Variants in BCHE observed in about 807,000 individuals in gnomAD.
BCHE encodes cholinesterase.
Under a neutral mutation model 51.3 loss-of-function variants are expected in BCHE, and 48 were observed. The ratio of observed to expected loss-of-function variants is 0.94; its 90% CI spans 0.74 to 1.19. The LOEUF (loss-of-function observed/expected upper bound fraction) is 1.19, where lower values mean the gene tolerates loss of function less well. BCHE is among the 50% of genes most tolerant of loss of function. The pLI is 0.00. For synonymous variants in BCHE, 251 were observed against 238.0 expected (o/e 1.05, Z -0.50); for missense variants, 847 against 708.2 (o/e 1.20, Z -2.23).
rs1459941225 is a variant in BCHE, at chr3:165,829,727, T to A, written c.1307A>T (p.Lys436Met). 11 of 1,613,916 alleles carry A rather than the reference T, an allele frequency of 6.8e-6. No homozygotes were observed. Among genetic ancestry groups the A allele is most frequent in the Non-Finnish European group, 8.5e-6 (10 of 1,179,922 alleles). The change falls in exon 2 of 4, where the codon AAG (lysine) becomes ATG (methionine). Residue 436 changes from lysine (K) to methionine (M), a missense_variant. Transcript: ENST00000264381. ...GGCATTATTTCCCCATTCTGAGAAC[T>A]TCTTGGTGAACTCCAAGGCAGGGCA... Reference protein sequence around the residue: ...FICPALEFTKKFSEWGNNAFF... With the variant: ...FICPALEFTKMFSEWGNNAFF...
chr3:165,815,259 A>T (rs1714268935), intron 2 of BCHE, among the ~76,000 whole-genome samples: 1 of 151,586 alleles, frequency 6.6e-6, no homozygotes, highest in African/African-American at 2.4e-5. Context: ...AAAAAAAAAA[A>T]AAATAAGGGC....
intron 2 of BCHE, among the ~76,000 whole-genome samples, chr3:165,829,074 T>C (rs1714844807): frequency 6.6e-6 from 1 of 152,122 alleles, no homozygotes; most frequent in African/African-American, 2.4e-5. Context: ...TTCAATTTCC[T>C]AAGCAGAGAT....
In BCHE at chr3:165,835,576, A is replaced by G. The variant is rs551400742; in HGVS notation, c.-9+1738T>C. On this transcript the variant is annotated intron_variant, in intron 1 of 3. Transcript: ENST00000264381. ...TAAATGTATTTGAAGAAATTGGAACAACGACGTCTTTATATCAAACTTAAA... is the reference window on the plus strand; with the variant it reads ...TAAATGTATTTGAAGAAATTGGAACGACGACGTCTTTATATCAAACTTAAA... Among the ~76,000 whole-genome samples the G allele has an allele frequency of 7.0e-4, 106 of 152,010 alleles. 2 individuals carry two copies. The South Asian group carries it at 0.021, about 30-fold the overall frequency.
intron 3 of BCHE, among the ~76,000 whole-genome samples, chr3:165,775,886 C>A (rs1559999876): frequency 1.3e-5 from 2 of 151,848 alleles, no homozygotes; most frequent in African/African-American, 4.8e-5. Flanking sequence ...TGAAGTAAAT[C>A]AAAATCAAAA....
At chr3:165,823,382 C>T (rs1171840714) in intron 2 of BCHE, among the ~76,000 whole-genome samples, 1 of 151,960 alleles carries the variant, frequency 6.6e-6, no homozygotes, top group Non-Finnish European at 1.5e-5. Flanking sequence ...CACCTTCATC[C>T]ATGATAAGGT....
chr3:165,818,444 A>T (rs1714387323), intron 2 of BCHE, among the ~76,000 whole-genome samples: 1 of 152,124 alleles, frequency 6.6e-6, no homozygotes, highest in African/African-American at 2.4e-5. Flanking sequence ...TTTTAAATCA[A>T]GACATGCAGG....
Position 165,830,007 on chromosome 3 carries a change from T to A in BCHE, c.1027A>T (p.Thr343Ser), listed in dbSNP as rs537434945. The change falls in exon 2 of 4, where the codon ACC becomes TCC. Residue 343 changes from threonine to serine, a missense_variant. Coordinates refer to ENST00000264381, the MANE Select transcript of BCHE (RefSeq NM_000055.4). ...TTATTAACACCCACCAAAATCTGGGTTTTTTTAAATTGTCCAAGTTCAAGT... is the reference window on the plus strand; with the variant it reads ...TTATTAACACCCACCAAAATCTGGGATTTTTTAAATTGTCCAAGTTCAAGT... ...ILLELGQFKKTQILVGVNKDE... is the reference protein window; with the variant it reads ...ILLELGQFKKSQILVGVNKDE... The A allele has an allele frequency of 2.9e-5, 46 of 1,613,674 alleles. No homozygotes were observed. In the East Asian group the frequency reaches 9.6e-4, roughly 34 times the overall value.
chr3:165,830,516 T>C lies in BCHE; in HGVS notation c.518A>G (p.Asn173Ser). ...GAATCCTAGGGCACCCACCCTATAGTTCATTGACACTACAATAACTCTTTC... is the reference window on the plus strand; with the variant it reads ...GAATCCTAGGGCACCCACCCTATAGCTCATTGACACTACAATAACTCTTTC... ...RVERVIVVSMNYRVGALGFLA... is the reference protein window; with the variant it reads ...RVERVIVVSMSYRVGALGFLA... Residue 173 changes from asparagine to serine, a missense_variant, in exon 2 of 4, where the codon AAC (asparagine) becomes AGC (serine). Physicochemically the swap from Asn to Ser is conservative, Grantham distance 46. Coordinates refer to ENST00000264381, the MANE Select transcript of BCHE (RefSeq NM_000055.4). 6.2e-7 allele frequency: 1 copy of C among 1,613,964 alleles called. No individual in the cohort carries two copies.
intron 3 of BCHE, among the ~76,000 whole-genome samples, chr3:165,785,099 C>G (rs1712892424): frequency 6.6e-6 from 1 of 151,776 alleles, no homozygotes. Flanking sequence ...TGAGTAATGT[C>G]TGATAATCAA....
intron 3 of BCHE, among the ~76,000 whole-genome samples, chr3:165,775,223 T>G (rs186395932): frequency 8.5e-4 from 129 of 152,134 alleles, no homozygotes; most frequent in African/African-American, 3.0e-3. Flanking sequence ...TTGCAGACAT[T>G]ACAATATCCC....
At chr3:165,788,345 G>T (rs1267672476) in intron 2 of BCHE, among the ~76,000 whole-genome samples, 2 of 151,972 alleles carry the variant, frequency 1.3e-5, no homozygotes, top group South Asian at 2.1e-4. Flanking sequence ...TTATTTTATG[G>T]AGGAATTGGA....
At chr3:165,812,849 T>C (rs1207315130) in intron 2 of BCHE, among the ~76,000 whole-genome samples, 1 of 151,938 alleles carries the variant, frequency 6.6e-6, no homozygotes, top group Non-Finnish European at 1.5e-5. Flanking sequence ...TATGAAAGTA[T>C]AGTCTGGTCA....
Position 165,829,632 on chromosome 3 carries a change from A to G in BCHE, c.1402T>C (p.Tyr468His). Residue 468 changes from tyrosine to histidine, a missense_variant, in exon 2 of 4, where the codon TAT (tyrosine) becomes CAT (histidine). Coordinates refer to ENST00000264381, the MANE Select transcript of BCHE (RefSeq NM_000055.4). ...WPEWMGVMHG[Y>H]EIEFVFGLPL... is the part of the protein sequence containing the mutation. ...AAACCAAAGACAAATTCAATTTCAT[A>G]GCCATGCATCACTCCCATCCATTCT... The G allele has an allele frequency of 1.2e-6, 2 of 1,613,898 alleles. No individual in the cohort carries two copies. Among genetic ancestry groups the G allele is most frequent in the Non-Finnish European group, 1.7e-6 (2 of 1,179,866 alleles).
At chr3:165,794,128 A>C (rs1576844747) in intron 2 of BCHE, among the ~76,000 whole-genome samples, 1 of 151,990 alleles carries the variant, frequency 6.6e-6, no homozygotes, top group African/African-American at 2.4e-5. Flanking sequence ...TACCCAAATA[A>C]AATGAGTTTA....
Position 165,830,861 on chromosome 3 carries a change from C to G in BCHE, c.173G>C (p.Gly58Ala). ...AAGAGGTGGCTGTGCATAGGGAATT[C>G]CAAGAAAGGCTGTTACCGTGCCACC... ...VFGGTVTAFLGIPYAQPPLGR... is the reference protein window; with the variant it reads ...VFGGTVTAFLAIPYAQPPLGR... Residue 58 changes from glycine to alanine, a missense_variant, in exon 2 of 4, where the codon GGA becomes GCA. Transcript: ENST00000264381. 6.2e-7 allele frequency: 1 copy of G among 1,613,896 alleles called. No homozygotes were observed. Among genetic ancestry groups the G allele is most frequent in the Non-Finnish European group, 8.5e-7 (1 of 1,179,902 alleles).
In BCHE at chr3:165,802,976, C is replaced by T. The variant is rs13066003; in HGVS notation, c.1518-16665G>A. Among the ~76,000 whole-genome samples the T allele has an allele frequency of 4.6e-5, 7 of 152,090 alleles. No individual in the cohort carries two copies. The South Asian group carries it at 1.5e-3, about 32-fold the overall frequency. On this transcript the variant is annotated intron_variant, in intron 2 of 3. Coordinates refer to ENST00000264381, the MANE Select transcript of BCHE (RefSeq NM_000055.4). ...CTGGATGGTCTTGATCTCCTGACCT[C>T]GTGATCCACCCGCCTGCCTCCCAAA... is the stretch of plus-strand genomic sequence containing the variant.
intron 2 of BCHE, among the ~76,000 whole-genome samples, chr3:165,803,734 T>G (rs1713756928): frequency 6.6e-6 from 1 of 150,890 alleles, no homozygotes; most frequent in Non-Finnish European, 1.5e-5. Context: ...TATAATGAAG[T>G]TTTTTTTTAA....
chr3:165,792,157 G>T (rs1713192874), intron 2 of BCHE, among the ~76,000 whole-genome samples: 1 of 151,902 alleles, frequency 6.6e-6, no homozygotes, highest in South Asian at 2.1e-4. Flanking sequence ...GAATGACCTT[G>T]CCTAGAATGT....
intron 2 of BCHE, among the ~76,000 whole-genome samples, chr3:165,821,415 A>G (rs1714510779): frequency 6.6e-6 from 1 of 151,812 alleles, no homozygotes; most frequent in Admixed American, 6.6e-5. Flanking sequence ...TTGTCATTTA[A>G]AAACATGGAA....
Sources: gnomAD v4.1 joint callset for allele counts (sites outside exome capture counted in the v4.1 genomes callset) on GRCh38, gnomAD v4.1.1 for gene constraint, MANE v1.5 for transcripts, NCBI Gene and HGNC (gene_info 2026-07-23, HGNC 2026-07-21) for gene names.